ITGA8: variants seen among roughly 807,000 people sequenced by gnomAD.
ITGA8 encodes integrin alpha-8.
A neutral mutation model predicts 142.3 loss-of-function variants in ITGA8; 91 were observed. The observed-to-expected ratio is 0.64, with a 90% confidence interval of 0.54 to 0.76. The LOEUF is 0.76. Among genes scored for constraint, ITGA8 ranks in the 30% least tolerant of loss-of-function variants. ITGA8 has a pLI of 0.00. For synonymous variants in ITGA8, 505 were observed against 485.2 expected (o/e 1.04, Z -0.54); for missense variants, 1,406 against 1,327.7 (o/e 1.06, Z -0.92).
chr10:15,699,359 C>T (rs1318977332), intron 2 of ITGA8, among the ~76,000 whole-genome samples: 1 of 152,048 alleles, frequency 6.6e-6, no homozygotes, highest in African/African-American at 2.4e-5. Flanking sequence ...GTGTTTTACC[C>T]TCAGTTTTAT....
chr10:15,595,976 G>A (rs558694512), intron 21 of ITGA8, among the ~76,000 whole-genome samples: 15 of 152,276 alleles, frequency 9.9e-5, no homozygotes, highest in East Asian at 5.8e-4. Flanking sequence ...ACTTGAACCC[G>A]GGAGGCAGAG....
chr10:15,616,431 G>T, intron 14 of ITGA8, 83 bp downstream of exon 14: 2 of 1,024,586 alleles, frequency 2.0e-6, no homozygotes, highest in South Asian at 1.3e-5. Flanking sequence ...ATAAATCGTT[G>T]GAATGCTCTC....
chr10:15,575,849 A>G (rs1834281971), intron 23 of ITGA8, among the ~76,000 whole-genome samples: 1 of 152,212 alleles, frequency 6.6e-6, no homozygotes, highest in Non-Finnish European at 1.5e-5. Context: ...TGGGCACTAA[A>G]GAAGAGAGTG....
chr10:15,710,440 A>G (rs1159898797), intron 2 of ITGA8, among the ~76,000 whole-genome samples: 1 of 152,214 alleles, frequency 6.6e-6, no homozygotes, highest in African/African-American at 2.4e-5. Context: ...TTAAAAAAGG[A>G]TTTGTAGCTA....
chr10:15,554,549 G>A (rs572695332), intron 26 of ITGA8, among the ~76,000 whole-genome samples: 1 of 152,140 alleles, frequency 6.6e-6, no homozygotes, highest in East Asian at 1.9e-4. Flanking sequence ...CACCATGTGT[G>A]CACCCACACA....
At chr10:15,671,516 A>G in intron 8 of ITGA8, 87 bp downstream of exon 8, 1 of 1,108,464 alleles carries the variant, frequency 9.0e-7, no homozygotes, top group South Asian at 1.3e-5. Context: ...ATAGCAAATA[A>G]AATCACATTG....
intron 11 of ITGA8, among the ~76,000 whole-genome samples, chr10:15,650,152 A>C (rs1288705575): frequency 2.0e-5 from 3 of 152,102 alleles, no homozygotes; most frequent in Admixed American, 1.3e-4. Context: ...TCAAATATAC[A>C]TTGCTCAGTT....
chr10:15,689,994 T>A (rs1295736412), intron 2 of ITGA8, among the ~76,000 whole-genome samples: 1 of 152,132 alleles, frequency 6.6e-6, no homozygotes, highest in Non-Finnish European at 1.5e-5. Flanking sequence ...AGGGAATTGA[T>A]GCTTTGGTGC....
chr10:15,611,494 T>TC (rs34172755), intron 15 of ITGA8: 37,851 of 139,758 alleles, frequency 0.27, 5,858 homozygotes, highest in Non-Finnish European at 0.36. Context: ...CAGAACTCTT[T>TC]TTTTTTTTTT....
chr10:15,701,074 A>T (rs1362835811), intron 2 of ITGA8, among the ~76,000 whole-genome samples: 1 of 152,208 alleles, frequency 6.6e-6, no homozygotes, highest in Non-Finnish European at 1.5e-5. Flanking sequence ...TGAATGAATA[A>T]CCAAGTTCCC....
At chr10:15,546,706 ATAAAG>A (rs1833677507) in intron 27 of ITGA8, among the ~76,000 whole-genome samples, 2 of 152,060 alleles carry the variant, frequency 1.3e-5, no homozygotes, top group African/African-American at 4.8e-5. Context: ...AAGAAAGAAA[ATAAAG>A]TAAGAAAGGA....
intron 25 of ITGA8, among the ~76,000 whole-genome samples, chr10:15,567,136 C>G (rs1284870819): frequency 2.0e-5 from 3 of 147,430 alleles, no homozygotes; most frequent in African/African-American, 7.6e-5. Context: ...GACTGACTGA[C>G]AGAGTAAGAC....
chr10:15,702,092 C>T (rs1180892486), intron 2 of ITGA8, among the ~76,000 whole-genome samples: 4 of 152,100 alleles, frequency 2.6e-5, no homozygotes, highest in Non-Finnish European at 1.5e-5. Context: ...TCCAAAACCA[C>T]TCTGAAAAAC....
At chr10:15,533,461 C>T (rs756875083) in intron 27 of ITGA8, among the ~76,000 whole-genome samples, 2 of 152,178 alleles carry the variant, frequency 1.3e-5, no homozygotes, top group South Asian at 4.2e-4. Flanking sequence ...ATGTGTGTAC[C>T]TGGTGATTTC....
intron 12 of ITGA8, 99 bp downstream of exon 12, chr10:15,646,747 C>T: frequency 2.6e-6 from 2 of 776,100 alleles, no homozygotes; most frequent in African/African-American, 1.7e-5. Flanking sequence ...ATAATAACTG[C>T]ACCCACACAC....
intron 2 of ITGA8, among the ~76,000 whole-genome samples, chr10:15,703,514 G>A (rs537068297): frequency 2.5e-4 from 38 of 152,270 alleles, no homozygotes; most frequent in African/African-American, 8.7e-4. Context: ...AGGGAAATTG[G>A]GAGTTGAGAA....
chr10:15,682,853 CAA>C (rs3048323), intron 4 of ITGA8, among the ~76,000 whole-genome samples: 82,629 of 120,366 alleles, frequency 0.69, 27,692 homozygotes, highest in Middle Eastern at 0.85. Context: ...GACCCTGTCT[CAA>C]AAAAAAAAAA....
chr10:15,623,550 G>T (rs138879041), intron 13 of ITGA8, among the ~76,000 whole-genome samples: 3 of 152,244 alleles, frequency 2.0e-5, no homozygotes, highest in Non-Finnish European at 2.9e-5. Context: ...GCCTGGTGTG[G>T]TGGCAGTTGC....
chr10:15,605,055 C>A (rs1833169862), intron 19 of ITGA8, among the ~76,000 whole-genome samples: 2 of 152,012 alleles, frequency 1.3e-5, no homozygotes, highest in Non-Finnish European at 2.9e-5. Context: ...GAGAAGTTAC[C>A]AAGCAGATTC....
Sources: allele counts gnomAD v4.1 joint callset (sites outside exome capture counted in the v4.1 genomes callset), GRCh38; gene constraint gnomAD v4.1.1; transcripts MANE v1.5; gene names NCBI Gene and HGNC (gene_info 2026-07-23, HGNC 2026-07-21).